GNE: variants seen among roughly 807,000 people sequenced by gnomAD.
GNE encodes glucosamine (UDP-N-acetyl)-2-epimerase/N-acetylmannosamine kinase, also known as bifunctional UDP-N-acetylglucosamine 2-epimerase/N-acetylmannosamine kinase.
In GNE, 41 loss-of-function variants were observed where a neutral mutation model predicts 61.8. The observed-to-expected ratio is 0.66, with a 90% CI of 0.52 to 0.86. The LOEUF (loss-of-function observed/expected upper bound fraction) is 0.86, where lower values mean the gene tolerates loss of function less well. Ranked by LOEUF, GNE falls within the 40% of genes least tolerant of loss-of-function variation. GNE has a pLI of 0.00. For missense variants in GNE, 608 were observed against 909.1 expected (o/e 0.67, Z 4.26); for synonymous variants, 264 against 326.4 (o/e 0.81, Z 2.06).
Position 36,215,733 on chromosome 9 carries a change from A to G in GNE, c.*1632T>C, listed in dbSNP as rs1828244231. On this transcript the variant is annotated 3_prime_UTR_variant, in exon 12 of 12. Transcript: ENST00000642385. The stretch of plus-strand genomic sequence containing the variant: ...GTGGTGGCAGTTAGTATTTCTTCCA[A>G]GTTAACAATTCATAGCCAGAACTTT... The G allele has an allele frequency of 1.3e-5, 2 of 152,406 alleles. No individual in the cohort carries two copies. The highest frequency in any genetic ancestry group is 2.4e-5 in the African/African-American group (1 of 41,464). The allele number at this position is 152,406 out of a possible 1,614,324, so 9.4% of individuals were successfully genotyped here. A position where few individuals can be genotyped will look rare whatever the true frequency, so the allele number is the denominator to read the frequency against.
intron 1 of GNE, chr9:36,265,671 G>T (rs1830752578): frequency 6.5e-6 from 2 of 309,290 alleles, no homozygotes; most frequent in Non-Finnish European, 1.3e-5. Context: ...ACCAGGGACT[G>T]GTTTCCTGGA....
At chr9:36,267,560 G>A (rs1014642071) in intron 1 of GNE, among the ~76,000 whole-genome samples, 1 of 151,896 alleles carries the variant, frequency 6.6e-6, no homozygotes, top group Non-Finnish European at 1.5e-5. Flanking sequence ...GTCAGGCGTG[G>A]TGGCAGGTGC....
intron 1 of GNE, chr9:36,276,760 G>T: frequency 1.4e-6 from 1 of 702,078 alleles, no homozygotes; most frequent in Non-Finnish European, 2.4e-6. Context: ...CAGTAAAAAA[G>T]TCTTTAAAAA....
Position 36,223,368 on chromosome 9 carries a change from C to T in GNE, c.1411+5G>A. 2 of 1,611,584 alleles carry T rather than the reference C, an allele frequency of 1.2e-6. No individual in the cohort carries two copies. The highest frequency in any genetic ancestry group is 4.5e-5 in the East Asian group (2 of 44,870). ...ATTTCTTGGATTTATAATTTACAAT[C>T]TTACCTACTCCCAAAATTCTGCAGT... is the stretch of plus-strand genomic sequence containing the variant. On this transcript the variant is annotated splice_donor_5th_base_variant and intron_variant, in intron 8 of 11. Transcript: ENST00000642385.
intron 1 of GNE, chr9:36,265,558 A>G (rs909584805): frequency 7.3e-5 from 32 of 437,922 alleles, no homozygotes; most frequent in African/African-American, 6.2e-4. Context: ...TGTTTAGTAA[A>G]TATCTTTCCC....
chr9:36,217,478 G>T lies in GNE; in HGVS notation c.2056C>A (p.Gln686Lys), dbSNP rs758253709. The T allele has an allele frequency of 6.2e-7, 1 of 1,614,074 alleles. No individual in the cohort carries two copies. Among genetic ancestry groups the T allele is most frequent in the South Asian group, 1.1e-5 (1 of 91,076 alleles). ...IHIVKDVIRQ[Q>K]ALSSVQDVDV... is the part of the protein sequence containing the mutation. Reference sequence around the variant, plus strand: ...ACGTCCTGCACGGAGGACAAGGCCTGCTGGCGAATGACGTCTTTGACAATG... The same window carrying T: ...ACGTCCTGCACGGAGGACAAGGCCTTCTGGCGAATGACGTCTTTGACAATG... The change falls in exon 12 of 12, where the codon CAG (glutamine) becomes AAG (lysine). Residue 686 changes from glutamine to lysine, a missense_variant. Gln to Lys is a moderately conservative substitution (Grantham distance 53, BLOSUM62 1). Coordinates refer to ENST00000642385, the MANE Select transcript of GNE (RefSeq NM_005476.7).
chr9:36,252,851 C>T (rs185356584), intron 1 of GNE, among the ~76,000 whole-genome samples: 99 of 152,236 alleles, frequency 6.5e-4, no homozygotes, highest in Non-Finnish European at 1.1e-3. Context: ...TCCTATCTGT[C>T]CTTCCATGGA....
At chr9:36,258,802 C>T (rs1282286763), upstream of GNE, among the ~76,000 whole-genome samples, 1 of 152,198 alleles carries the variant, frequency 6.6e-6, no homozygotes, top group Non-Finnish European at 1.5e-5. Flanking sequence ...GCCTCTTGTT[C>T]CCTCAGTTAT....
chr9:36,253,230 A>G (rs965138318), intron 1 of GNE, among the ~76,000 whole-genome samples: 2 of 150,832 alleles, frequency 1.3e-5, no homozygotes, highest in Non-Finnish European at 2.9e-5. Flanking sequence ...TACACAACGT[A>G]TATTACAAAA....
intron 3 of GNE, among the ~76,000 whole-genome samples, chr9:36,242,146 ACT>A (rs926206413): frequency 3.7e-5 from 5 of 134,278 alleles, no homozygotes; most frequent in African/African-American, 1.3e-4. Context: ...ACAGAGCAAG[ACT>A]CTGTCTCAAA....
Position 36,214,456 on chromosome 9 carries a change from G to GT in GNE, c.*2908dup, listed in dbSNP as rs1206710013. ...TACAACAGGATTTCAACAAGGAAAT[G>GT]TATTTATTTTTTCTTTAGAATTTGG... On this transcript the variant is annotated 3_prime_UTR_variant, in exon 12 of 12. Coordinates refer to ENST00000642385, the MANE Select transcript of GNE (RefSeq NM_005476.7). The GT allele has an allele frequency of 6.6e-6, 1 of 152,192 alleles. No individual in the cohort carries two copies. The highest frequency in any genetic ancestry group is 6.5e-5 in the Admixed American group (1 of 15,276). 9.4% of individuals were successfully genotyped at this position (152,192 alleles called of 1,614,324 possible).
At chr9:36,222,452 G>A (rs1471942111) in intron 9 of GNE, among the ~76,000 whole-genome samples, 1 of 150,856 alleles carries the variant, frequency 6.6e-6, no homozygotes, top group Non-Finnish European at 1.5e-5. Flanking sequence ...AAGGTAAAAT[G>A]TATTAGTCTG....
At chr9:36,251,530 C>T (rs966130229) in intron 1 of GNE, among the ~76,000 whole-genome samples, 1 of 152,050 alleles carries the variant, frequency 6.6e-6, no homozygotes, top group Non-Finnish European at 1.5e-5. Context: ...CTCAAGCAAC[C>T]CCCCCACCTC....
At chr9:36,265,738 A>G (rs1830755017) in intron 1 of GNE, among the ~76,000 whole-genome samples, 1 of 152,058 alleles carries the variant, frequency 6.6e-6, no homozygotes, top group African/African-American at 2.4e-5. Flanking sequence ...AAACTGTTCT[A>G]CCTGAGATCA....
At chr9:36,250,365 C>T (rs1242551458) in intron 1 of GNE, among the ~76,000 whole-genome samples, 2 of 152,194 alleles carry the variant, frequency 1.3e-5, no homozygotes, top group Admixed American at 6.6e-5. Context: ...AAATGCCTAT[C>T]AGATATCTCC....
At chr9:36,257,917 G>A (rs931128892) in intron 1 of GNE, among the ~76,000 whole-genome samples, 1 of 151,716 alleles carries the variant, frequency 6.6e-6, no homozygotes, top group Non-Finnish European at 1.5e-5. Context: ...GAGCAGGGAG[G>A]GGACCTTTTA....
At chr9:36,267,060 A>C (rs1257079841) in intron 1 of GNE, among the ~76,000 whole-genome samples, 4 of 152,064 alleles carry the variant, frequency 2.6e-5, no homozygotes, top group African/African-American at 9.7e-5. Context: ...AGTGAGACTC[A>C]GTCTCAAAAA....
intron 2 of GNE, among the ~76,000 whole-genome samples, chr9:36,248,529 G>A (rs1166775167): frequency 6.8e-6 from 1 of 146,872 alleles, no homozygotes; most frequent in Non-Finnish European, 1.5e-5. Flanking sequence ...TCACCATGTT[G>A]GCCAGGCTGG....
At chr9:36,231,213 C>G (rs1352961691) in intron 5 of GNE, among the ~76,000 whole-genome samples, 1 of 151,946 alleles carries the variant, frequency 6.6e-6, no homozygotes, top group Non-Finnish European at 1.5e-5. Flanking sequence ...TCCATAATTC[C>G]AGGACTTTGT....
Sources: gnomAD v4.1 joint callset for allele counts (sites outside exome capture counted in the v4.1 genomes callset) on GRCh38, gnomAD v4.1.1 for gene constraint, MANE v1.5 for transcripts, NCBI Gene and HGNC (gene_info 2026-07-23, HGNC 2026-07-21) for gene names.